Variants in ZNF664 observed in about 807,000 individuals in gnomAD.
ZNF664 encodes the protein zinc finger Organ of Corti 1.
ZNF664 carries 10 observed loss-of-function variants against 18.2 expected under a neutral mutation model. The ratio of observed to expected loss-of-function variants is 0.55; its 90% confidence interval spans 0.34 to 0.93. The LOEUF is 0.93. Among genes scored for constraint, ZNF664 ranks in the 40% least tolerant of loss-of-function variants. The pLI is 0.02. For missense variants in ZNF664, 193 were observed against 319.0 expected (o/e 0.61, Z 3.01); for synonymous variants, 119 against 104.2 (o/e 1.14, Z -0.86).
At chr12:123,976,677 G>A (rs1365600312) in intron 2 of ZNF664, among the ~76,000 whole-genome samples, 1 of 151,944 alleles carries the variant, frequency 6.6e-6, no homozygotes, top group Non-Finnish European at 1.5e-5. Context: ...GAAGTGGGGA[G>A]ACCAGGTTGG....
Position 124,012,997 on chromosome 12 carries a change from A to C in ZNF664, c.*67A>C. ...CCACTAGGAAGGAAACCCTGTATATACCTACATTGACCCAAGAAATATTTA... is the reference window on the plus strand; with the variant it reads ...CCACTAGGAAGGAAACCCTGTATATCCCTACATTGACCCAAGAAATATTTA... On this transcript the variant is annotated 3_prime_UTR_variant, in exon 5 of 5. Transcript: ENST00000337815. 6.6e-7 allele frequency: 1 copy of C among 1,504,848 alleles called. No homozygotes were observed. The highest frequency in any genetic ancestry group is 1.3e-5 in the South Asian group (1 of 75,652). The allele number at this position is 1,504,848 out of a possible 1,614,324, so 93.2% of individuals were successfully genotyped here.
At chr12:123,987,166 A>G (rs1429325815) in intron 2 of ZNF664, among the ~76,000 whole-genome samples, 1 of 152,184 alleles carries the variant, frequency 6.6e-6, no homozygotes, top group Non-Finnish European at 1.5e-5. Context: ...AGCTCTGGGG[A>G]GCTGTAGAGG....
In ZNF664 at chr12:123,978,654, T is replaced by A. The variant is rs148166131; in HGVS notation, c.-757+4634T>A. Among the ~76,000 whole-genome samples the A allele has an allele frequency of 3.2e-3, 487 of 152,284 alleles. 1 individual carries two copies. Among genetic ancestry groups the A allele is most frequent in the African/African-American group, 0.011 (450 of 41,546 alleles). Reference sequence around the variant, plus strand: ...GGAATTCTTCTGGACACTAGATAAATTGCTTCTAAAACTCTTTTATAGGAG... The same window carrying A: ...GGAATTCTTCTGGACACTAGATAAAATGCTTCTAAAACTCTTTTATAGGAG... On this transcript the variant is annotated intron_variant, in intron 2 of 4. Transcript: ENST00000337815.
chr12:123,981,763 CA>C (rs1956767657), intron 2 of ZNF664, among the ~76,000 whole-genome samples: 2 of 152,164 alleles, frequency 1.3e-5, no homozygotes, highest in South Asian at 2.1e-4. Context: ...AGAGGATTTA[CA>C]AAGAATAATT....
chr12:123,982,571 A>G lies in ZNF664; in HGVS notation c.-756-5472A>G, dbSNP rs547137116. On this transcript the variant is annotated intron_variant, in intron 2 of 4. Coordinates refer to ENST00000337815, the MANE Select transcript of ZNF664 (RefSeq NM_152437.3). The stretch of plus-strand genomic sequence containing the variant: ...CACAGACCCAGTCTTTCCACTTCCC[A>G]CTTCCCAATTCCAAATTCTCTAGAA... 3.3e-4 allele frequency among the ~76,000 whole-genome samples: 50 copies of G among 152,170 alleles called. No homozygotes were observed. In the Middle Eastern group the frequency reaches 0.01, roughly 31 times the overall value.
chr12:123,973,982 C>G lies in ZNF664; in HGVS notation c.-795C>G, dbSNP rs540911656. 2 of 1,231,836 alleles carry G rather than the reference C, an allele frequency of 1.6e-6. No individual in the cohort carries two copies. 76.3% of individuals were successfully genotyped at this position (1,231,836 alleles called of 1,614,324 possible). A position where few individuals can be genotyped will look rare whatever the true frequency, so the allele number is the denominator to read the frequency against. On this transcript the variant is annotated 5_prime_UTR_variant, in exon 2 of 5. Transcript: ENST00000337815. ...AGAAGGCTGCTGCCGCCGGACGCCTCCATTGTTTGACCACAACAAGGGCCG... is the reference window on the plus strand; with the variant it reads ...AGAAGGCTGCTGCCGCCGGACGCCTGCATTGTTTGACCACAACAAGGGCCG...
chr12:123,982,676 A>G (rs1956779745), intron 2 of ZNF664, among the ~76,000 whole-genome samples: 1 of 152,150 alleles, frequency 6.6e-6, no homozygotes, highest in Admixed American at 6.5e-5. Flanking sequence ...GAGCAGATTC[A>G]TTTAGTGTGA....
chr12:123,973,675 G>A, intron 1 of ZNF664: 1 of 811,134 alleles, frequency 1.2e-6, no homozygotes, highest in Non-Finnish European at 1.6e-6. Context: ...GAGGCCGGGC[G>A]AGGCCCCTCG....
At position 123,986,688 on chromosome 12, in the gene ZNF664, G is replaced by A. The variant is rs78503811; in HGVS notation, c.-756-1355G>A. Reference sequence around the variant, plus strand: ...TCAGAGTTAAGCTCTTGGGTCAGATGTCTGCACTTGGTCTCAGAAGTGGTC... The same window carrying A: ...TCAGAGTTAAGCTCTTGGGTCAGATATCTGCACTTGGTCTCAGAAGTGGTC... On this transcript the variant is annotated intron_variant, in intron 2 of 4. Coordinates refer to ENST00000337815, the MANE Select transcript of ZNF664 (RefSeq NM_152437.3). 3.9e-5 allele frequency among the ~76,000 whole-genome samples: 6 copies of A among 152,342 alleles called. No homozygotes were observed. The East Asian group carries it at 1.2e-3, about 29-fold the overall frequency.
chr12:123,988,070 C>T lies in ZNF664; in HGVS notation c.-729C>T, dbSNP rs1566198479. Reference sequence around the variant, plus strand: ...GGATCCTAAGGCCTTTGTAGTCCTTCAGCCACTGTGGGCCCTGCCTCTGCC... The same window carrying T: ...GGATCCTAAGGCCTTTGTAGTCCTTTAGCCACTGTGGGCCCTGCCTCTGCC... On this transcript the variant is annotated 5_prime_UTR_variant, in exon 3 of 5. Coordinates refer to ENST00000337815, the MANE Select transcript of ZNF664 (RefSeq NM_152437.3). 8.1e-7 allele frequency: 1 copy of T among 1,231,536 alleles called. No homozygotes were observed. The highest frequency in any genetic ancestry group is 4.1e-5 in the South Asian group (1 of 24,312). The allele number at this position is 1,231,536 out of a possible 1,614,324, so 76.3% of individuals were successfully genotyped here. A position where few individuals can be genotyped will look rare whatever the true frequency, so the allele number is the denominator to read the frequency against.
intron 3 of ZNF664, chr12:123,998,656 G>A (rs1224950008): frequency 6.6e-6 from 1 of 152,374 alleles, no homozygotes; most frequent in African/African-American, 2.4e-5. Context: ...CTCATCAGCT[G>A]TAATGCCTCT....
At chr12:123,984,693 A>C (rs1451498710) in intron 2 of ZNF664, among the ~76,000 whole-genome samples, 1 of 151,982 alleles carries the variant, frequency 6.6e-6, no homozygotes, top group Non-Finnish European at 1.5e-5. Flanking sequence ...TTTTATAGGG[A>C]CTTTGAGTTT....
chr12:124,003,356 G>C, intron 3 of ZNF664: 1 of 152,196 alleles, frequency 6.6e-6, no homozygotes, highest in Non-Finnish European at 1.5e-5. Flanking sequence ...TGGCCTAGTG[G>C]ATTTGCAGTA....
At position 123,988,109 on chromosome 12, in the gene ZNF664, T is replaced by A; in HGVS notation, c.-690T>A. On this transcript the variant is annotated 5_prime_UTR_variant, in exon 3 of 5. The change abolishes an upstream ATG in the 5' untranslated region. Coordinates refer to ENST00000337815, the MANE Select transcript of ZNF664 (RefSeq NM_152437.3). ...CCTGCCTCTGCCTGTTCTTCTGGAA[T>A]GTCTTGGGGGTTTTGATCCTGTCAC... The A allele has an allele frequency of 8.1e-7, 1 of 1,231,634 alleles. No individual in the cohort carries two copies. Among genetic ancestry groups the A allele is most frequent in the Non-Finnish European group, 1.0e-6 (1 of 987,884 alleles). 76.3% of individuals were successfully genotyped at this position (1,231,634 alleles called of 1,614,324 possible).
At chr12:124,003,784 G>A (rs1277630868) in intron 3 of ZNF664, among the ~76,000 whole-genome samples, 3 of 152,190 alleles carry the variant, frequency 2.0e-5, no homozygotes, top group Admixed American at 6.5e-5. Flanking sequence ...GATTTGAAGA[G>A]AAAGGAGAAT....
intron 3 of ZNF664, among the ~76,000 whole-genome samples, chr12:123,993,817 A>C (rs1321937699): frequency 7.3e-6 from 1 of 136,872 alleles, no homozygotes; most frequent in Non-Finnish European, 1.6e-5. Context: ...GATGGCTTTG[A>C]TTTCTGGGAC....
chr12:123,985,474 A>G (rs139991947), intron 2 of ZNF664, among the ~76,000 whole-genome samples: 66 of 152,374 alleles, frequency 4.3e-4, no homozygotes, highest in African/African-American at 1.4e-3. Flanking sequence ...CTTTAAATCT[A>G]TGAGACCATT....
chr12:123,973,855 C>T, intron 1 of ZNF664, 31 bp from the exon 2 acceptor site: 2 of 1,151,108 alleles, frequency 1.7e-6, no homozygotes, highest in South Asian at 4.4e-5. Context: ...TGCGGAGGAG[C>T]CGGCTGCATG....
chr12:123,993,916 C>T (rs574978329), intron 3 of ZNF664, among the ~76,000 whole-genome samples: 26 of 152,278 alleles, frequency 1.7e-4, no homozygotes, highest in Admixed American at 4.6e-4. Flanking sequence ...ATGATGTCAG[C>T]GAGGACAGTG....
Sources: gnomAD v4.1 joint callset for allele counts (sites outside exome capture counted in the v4.1 genomes callset) on GRCh38, gnomAD v4.1.1 for gene constraint, MANE v1.5 for transcripts, NCBI Gene and HGNC (gene_info 2026-07-23, HGNC 2026-07-21) for gene names.